The following LIN28B variants were observed in gnomAD, a reference collection of about 807,000 sequenced individuals.
LIN28B encodes the protein lin-28 RNA binding posttranscriptional regulator B, also known as protein lin-28 homolog B.
In LIN28B, 5 loss-of-function variants were observed where a neutral mutation model predicts 21.9. The ratio of observed to expected loss-of-function variants is 0.23; its 90% CI spans 0.12 to 0.48. The LOEUF (loss-of-function observed/expected upper bound fraction) is 0.48. Among genes scored for constraint, LIN28B ranks in the 20% least tolerant of loss-of-function variants. The pLI is 0.98. For synonymous variants in LIN28B, 109 were observed against 111.3 expected, an observed-to-expected ratio of 0.98 and a Z score of 0.13; for missense variants, 245 against 310.5, an observed-to-expected ratio of 0.79 and a Z score of 1.58.
Position 104,997,269 on chromosome 6 carries a change from A to G in LIN28B, c.199-29029A>G, listed in dbSNP as rs7756857. Among the ~76,000 whole-genome samples, 648 of 148,796 alleles carry G rather than the reference A, an allele frequency of 4.4e-3. 6 individuals are homozygous for G. Among genetic ancestry groups the G allele is most frequent in the African/African-American group, 0.015 (619 of 40,398 alleles). On this transcript the variant is annotated intron_variant, in intron 2 of 3. Coordinates refer to ENST00000345080, the MANE Select transcript of LIN28B (RefSeq NM_001004317.4). ...GCACTCCAGCCTGCGCGACAGAACG[A>G]GACTCCGTCTCAAAAAAAAAAAAAA...
intron 2 of LIN28B, among the ~76,000 whole-genome samples, chr6:104,964,887 A>G (rs1400293412): frequency 6.6e-6 from 1 of 152,226 alleles, no homozygotes; most frequent in Non-Finnish European, 1.5e-5. Context: ...AATAAGATTT[A>G]CAAATAATTG....
At chr6:104,990,786 A>G (rs1770449151) in intron 2 of LIN28B, among the ~76,000 whole-genome samples, 1 of 152,128 alleles carries the variant, frequency 6.6e-6, no homozygotes, top group South Asian at 2.1e-4. Context: ...GCTGCCTTCA[A>G]GCATCTGTTT....
At chr6:104,995,579 A>G (rs1380584365) in intron 2 of LIN28B, among the ~76,000 whole-genome samples, 1 of 152,166 alleles carries the variant, frequency 6.6e-6, no homozygotes, top group African/African-American at 2.4e-5. Context: ...AGTGAAATAG[A>G]AAATGTAGAG....
upstream of LIN28B, among the ~76,000 whole-genome samples, chr6:104,952,944 A>G (rs563467945): frequency 1.3e-5 from 2 of 152,196 alleles, no homozygotes; most frequent in African/African-American, 2.4e-5. Flanking sequence ...TTGGAAACAA[A>G]AGCAAAGCGA....
At chr6:104,996,989 A>C (rs1770619609) in intron 2 of LIN28B, among the ~76,000 whole-genome samples, 1 of 152,118 alleles carries the variant, frequency 6.6e-6, no homozygotes, top group Non-Finnish European at 1.5e-5. Context: ...GGTTTTTAAA[A>C]GGAAAAGAAA....
chr6:104,953,170 C>T (rs1778240922), upstream of LIN28B, among the ~76,000 whole-genome samples: 1 of 152,132 alleles, frequency 6.6e-6, no homozygotes, highest in East Asian at 1.9e-4. Context: ...TCCCGAAAAT[C>T]GCCCCCAGCC....
chr6:104,947,710 G>T (rs1266478466), intron 2 of LIN28B, among the ~76,000 whole-genome samples: 1 of 149,792 alleles, frequency 6.7e-6, no homozygotes, highest in Non-Finnish European at 1.5e-5. Context: ...ATTTATAAGA[G>T]ATTAATTGCC....
chr6:104,969,892 C>G (rs142858041), intron 2 of LIN28B, among the ~76,000 whole-genome samples: 5 of 152,326 alleles, frequency 3.3e-5, no homozygotes, highest in Admixed American at 3.3e-4. Flanking sequence ...AAGACTACAT[C>G]TAGACCCAGG....
At chr6:104,941,946 A>T (rs978637456) in intron 2 of LIN28B, among the ~76,000 whole-genome samples, 1 of 151,682 alleles carries the variant, frequency 6.6e-6, no homozygotes, top group Admixed American at 6.6e-5. Context: ...AAATTTCTTA[A>T]ATGTAAGTAA....
chr6:105,071,353 A>T (rs536835976), intron 3 of LIN28B, among the ~76,000 whole-genome samples: 4 of 152,304 alleles, frequency 2.6e-5, no homozygotes, highest in Non-Finnish European at 4.4e-5. Flanking sequence ...CTCAATTTTT[A>T]AAAAATTATT....
chr6:105,049,292 T>TTCCA (rs1771840963), intron 3 of LIN28B, among the ~76,000 whole-genome samples: 1 of 152,206 alleles, frequency 6.6e-6, no homozygotes, highest in South Asian at 2.1e-4. Context: ...GTTATTCAGT[T>TTCCA]TCCATGTAGT....
intron 2 of LIN28B, among the ~76,000 whole-genome samples, chr6:104,979,024 G>T (rs1770163405): frequency 6.6e-6 from 1 of 152,036 alleles, no homozygotes; most frequent in South Asian, 2.1e-4. Context: ...CTAAACATTA[G>T]ACATAAGAAA....
chr6:104,988,114 T>A (rs929018717), intron 2 of LIN28B, among the ~76,000 whole-genome samples: 17 of 152,212 alleles, frequency 1.1e-4, no homozygotes, highest in Non-Finnish European at 1.8e-4. Flanking sequence ...GTGATGATAG[T>A]GGGCATCTTT....
chr6:105,010,403 T>C (rs565311304), intron 2 of LIN28B, among the ~76,000 whole-genome samples: 1 of 151,678 alleles, frequency 6.6e-6, no homozygotes, highest in South Asian at 2.1e-4. Flanking sequence ...AGTTTCAATA[T>C]CAACTCATTA....
chr6:104,952,990 C>A (rs183384242), upstream of LIN28B, among the ~76,000 whole-genome samples: 136 of 152,284 alleles, frequency 8.9e-4, no homozygotes, highest in Non-Finnish European at 1.4e-3. Flanking sequence ...GCTGCAAGAC[C>A]CAAGCACCCA....
chr6:105,073,171 A>G (rs1039821095), intron 3 of LIN28B, among the ~76,000 whole-genome samples: 1 of 152,276 alleles, frequency 6.6e-6, no homozygotes, highest in Admixed American at 6.5e-5. Flanking sequence ...GTTGATTGGC[A>G]CACAATTTTA....
At chr6:104,958,489 T>C (rs1769633470) in intron 2 of LIN28B, among the ~76,000 whole-genome samples, 2 of 152,156 alleles carry the variant, frequency 1.3e-5, no homozygotes, top group African/African-American at 4.8e-5. Context: ...AAGAAAATAT[T>C]TGAAATTTCA....
chr6:104,992,589 T>G (rs969925328), intron 2 of LIN28B, among the ~76,000 whole-genome samples: 3 of 151,772 alleles, frequency 2.0e-5, no homozygotes, highest in African/African-American at 7.3e-5. Flanking sequence ...CACTTCAGCC[T>G]TAACTTCCCA....
intron 2 of LIN28B, among the ~76,000 whole-genome samples, chr6:104,963,141 G>C (rs1475480729): frequency 1.3e-5 from 2 of 152,118 alleles, no homozygotes; most frequent in Non-Finnish European, 2.9e-5. Flanking sequence ...CCGCCTTCCG[G>C]GTTCACGCCA....
Sources: allele counts gnomAD v4.1 joint callset (sites outside exome capture counted in the v4.1 genomes callset), GRCh38; gene constraint gnomAD v4.1.1; transcripts MANE v1.5; gene names NCBI Gene and HGNC (gene_info 2026-07-23, HGNC 2026-07-21).